POFUT3: variants seen among roughly 807,000 people sequenced by gnomAD.
The protein encoded by POFUT3 is protein O-fucosyltransferase 3.
chr8:33,357,992 A>G, the POFUT3 span, among the ~76,000 whole-genome samples: 18 of 152,342 alleles, frequency 1.2e-4, no homozygotes, highest in African/African-American at 4.3e-4. Context: ...CACACCTGTA[A>G]TCCCAACACA....
the POFUT3 span, among the ~76,000 whole-genome samples, chr8:33,431,167 T>G: frequency 6.6e-6 from 1 of 152,126 alleles, no homozygotes; most frequent in African/African-American, 2.4e-5. Flanking sequence ...ACCACTCATT[T>G]TGACACTTTT....
chr8:33,321,996 C>T, the POFUT3 span, among the ~76,000 whole-genome samples: 2 of 152,112 alleles, frequency 1.3e-5, no homozygotes, highest in Admixed American at 6.6e-5. Context: ...TGGCTCACCA[C>T]TGCATGCTTA....
At chr8:33,470,358 T>C in the POFUT3 span, among the ~76,000 whole-genome samples, 1 of 151,766 alleles carries the variant, frequency 6.6e-6, no homozygotes, top group Non-Finnish European at 1.5e-5. Context: ...AGGTCAAGGC[T>C]GCAGTGAGCT....
At chr8:33,320,435 G>C in the POFUT3 span, among the ~76,000 whole-genome samples, 2 of 152,008 alleles carry the variant, frequency 1.3e-5, no homozygotes, top group Non-Finnish European at 2.9e-5. Flanking sequence ...CTTCTGGCAT[G>C]TTAGGATTTA....
At chr8:33,460,811 CT>C in the POFUT3 span, 1 of 916,706 alleles carries the variant, frequency 1.1e-6, no homozygotes, top group Non-Finnish European at 1.3e-6. Flanking sequence ...TTGGAAGGGT[CT>C]CCCTGCCAGA....
chr8:33,332,526 CGAGG>C, the POFUT3 span, among the ~76,000 whole-genome samples: 19 of 115,594 alleles, frequency 1.6e-4, no homozygotes, highest in Non-Finnish European at 1.2e-4. Context: ...AGAAAGAAAG[CGAGG>C]GAGGGAGGGA....
the POFUT3 span, among the ~76,000 whole-genome samples, chr8:33,327,119 A>G: frequency 0.27 from 40,642 of 152,018 alleles, 5,861 homozygotes; most frequent in South Asian, 0.5. Context: ...AGGAGGGAGT[A>G]GTGTGATAGG....
chr8:33,381,335 T>C, the POFUT3 span, among the ~76,000 whole-genome samples: 1 of 152,200 alleles, frequency 6.6e-6, no homozygotes, highest in East Asian at 1.9e-4. Flanking sequence ...CCTAGAAGCC[T>C]TCCCCCATTT....
chr8:33,344,478 G>A, the POFUT3 span, among the ~76,000 whole-genome samples: 1 of 152,184 alleles, frequency 6.6e-6, no homozygotes. Context: ...TGAAACTTGT[G>A]ATAACAGCTC....
At chr8:33,319,435 T>TTATATATA in the POFUT3 span, among the ~76,000 whole-genome samples, 62 of 58,408 alleles carry the variant, frequency 1.1e-3, no homozygotes, top group African/African-American at 5.5e-3. Flanking sequence ...TATATATATT[T>TTATATATA]TTTATATATT....
the POFUT3 span, among the ~76,000 whole-genome samples, chr8:33,391,558 T>C: frequency 6.6e-6 from 1 of 152,144 alleles, no homozygotes; most frequent in African/African-American, 2.4e-5. Context: ...GAAAGGCAAA[T>C]GACTGCATTG....
chr8:33,406,065 C>T, the POFUT3 span, among the ~76,000 whole-genome samples: 1 of 151,934 alleles, frequency 6.6e-6, no homozygotes, highest in African/African-American at 2.4e-5. Flanking sequence ...GAGAAATAAT[C>T]GCACATATGA....
the POFUT3 span, among the ~76,000 whole-genome samples, chr8:33,461,153 G>A: frequency 8.1e-5 from 11 of 136,122 alleles, no homozygotes; most frequent in African/African-American, 2.5e-4. Context: ...GTACTGTGTC[G>A]AAAGGAGTGG....
At chr8:33,325,534 G>A in the POFUT3 span, among the ~76,000 whole-genome samples, 1 of 152,168 alleles carries the variant, frequency 6.6e-6, no homozygotes, top group African/African-American at 2.4e-5. Flanking sequence ...AATGTAAATA[G>A]AGAATTGTAT....
the POFUT3 span, among the ~76,000 whole-genome samples, chr8:33,341,164 G>A: frequency 1.1e-4 from 16 of 152,116 alleles, no homozygotes; most frequent in South Asian, 6.2e-4. Context: ...GGCGAGGCGC[G>A]GTGGCTCACA....
At chr8:33,351,440 G>A in the POFUT3 span, among the ~76,000 whole-genome samples, 80 of 152,130 alleles carry the variant, frequency 5.3e-4, no homozygotes, top group African/African-American at 1.7e-3. Context: ...ATGGGGAGTC[G>A]GCGGGGGGCA....
the POFUT3 span, chr8:33,455,941 A>G: frequency 4.8e-6 from 2 of 420,950 alleles, no homozygotes; most frequent in East Asian, 1.4e-4. Context: ...GCCAAGCAGC[A>G]CTCCAGAAGG....
the POFUT3 span, among the ~76,000 whole-genome samples, chr8:33,332,199 C>T: frequency 1.5e-5 from 2 of 134,944 alleles, no homozygotes; most frequent in East Asian, 2.3e-4. Context: ...AAAAAAAAAA[C>T]GAAGCCAGGA....
chr8:33,436,544 G>T, the POFUT3 span: 2 of 984,280 alleles, frequency 2.0e-6, no homozygotes, highest in African/African-American at 1.6e-5. Flanking sequence ...TGCAGGTTGC[G>T]TATGGCATCT....
Sources: gnomAD v4.1 joint callset for allele counts (sites outside exome capture counted in the v4.1 genomes callset) on GRCh38, gnomAD v4.1.1 for gene constraint, MANE v1.5 for transcripts, NCBI Gene and HGNC (gene_info 2026-07-23, HGNC 2026-07-21) for gene names.